ADTRP: variants seen among roughly 807,000 people sequenced by gnomAD.
ADTRP encodes androgen dependent TFPI regulating protein.
Under a neutral mutation model 27.0 loss-of-function variants are expected in ADTRP, and 20 were observed. That is an observed-to-expected ratio of 0.74 (90% confidence interval 0.52 to 1.08). ADTRP has a LOEUF of 1.08. Among genes scored for constraint, ADTRP ranks in the 50% least tolerant of loss-of-function variants. ADTRP has a pLI of 0.00. For missense variants in ADTRP, 251 were observed against 275.0 expected, an observed-to-expected ratio of 0.91 and a Z score of 0.62; for synonymous variants, 101 against 105.2, an observed-to-expected ratio of 0.96 and a Z score of 0.25.
chr6:11,716,897 T>G (rs1164109322), intron 5 of ADTRP, among the ~76,000 whole-genome samples: 44 of 136,060 alleles, frequency 3.2e-4, no homozygotes, highest in Admixed American at 2.5e-3. Context: ...TTTTTTTTTT[T>G]GTATTTTTAG....
chr6:11,724,359 G>T (rs886525855), intron 4 of ADTRP, among the ~76,000 whole-genome samples: 11 of 152,144 alleles, frequency 7.2e-5, no homozygotes, highest in Non-Finnish European at 1.3e-4. Context: ...TGTCGGCCCT[G>T]ATTTTCACTC....
At chr6:11,731,464 T>C (rs74338672) in intron 4 of ADTRP, among the ~76,000 whole-genome samples, 26 of 152,312 alleles carry the variant, frequency 1.7e-4, no homozygotes, top group Non-Finnish European at 3.4e-4. Context: ...CTATACTATG[T>C]CCAACATCCT....
chr6:11,721,393 G>A (rs1762021377), intron 5 of ADTRP, among the ~76,000 whole-genome samples: 1 of 152,236 alleles, frequency 6.6e-6, no homozygotes, highest in South Asian at 2.1e-4. Context: ...ATTGGGGGAA[G>A]CCTTAGAAAG....
intron 3 of ADTRP, among the ~76,000 whole-genome samples, chr6:11,747,399 T>G (rs1212105224): frequency 6.6e-6 from 1 of 152,196 alleles, no homozygotes; most frequent in Non-Finnish European, 1.5e-5. Context: ...AAGGGTTTGT[T>G]TTGTTTGTTT....
chr6:11,758,615 GC>G (rs1402415525), intron 3 of ADTRP, among the ~76,000 whole-genome samples: 1 of 139,364 alleles, frequency 7.2e-6, no homozygotes, highest in Non-Finnish European at 1.5e-5. Context: ...TATACCTAAT[GC>G]TAAATGACGA....
chr6:11,724,114 AC>A (rs2113877275), intron 4 of ADTRP, among the ~76,000 whole-genome samples: 2 of 152,174 alleles, frequency 1.3e-5, no homozygotes, highest in African/African-American at 4.8e-5. Flanking sequence ...TAGCTAAAGA[AC>A]TAAAGAGAGT....
Position 11,766,331 on chromosome 6 carries a change from A to C in ADTRP, c.333T>G (p.Asp111Glu), listed in dbSNP as rs1763571600. The change falls in exon 3 of 6, where the codon GAT (aspartate) becomes GAG (glutamate). Residue 111 changes from aspartate (D) to glutamate (E), a missense_variant. By Grantham distance (45) the Asp-to-Glu change is conservative. Coordinates refer to ENST00000414691, the MANE Select transcript of ADTRP (RefSeq NM_032744.4). ...AFWILFLYNR[D>E]LIYPKVLDTV... ...TATCTAGGACCTTGGGGTAAATGAG[A>C]TCTCGATTGTAGAGAAAGAGGATCC... 2 of 1,612,930 alleles carry C rather than the reference A, an allele frequency of 1.2e-6. No individual in the cohort carries two copies. The highest frequency in any genetic ancestry group is 1.7e-5 in the Admixed American group (1 of 59,892).
chr6:11,769,740 AG>A (rs1763702305), intron 1 of ADTRP, among the ~76,000 whole-genome samples: 1 of 152,018 alleles, frequency 6.6e-6, no homozygotes. Flanking sequence ...AAAAAAAAAA[AG>A]AAATTTTTGG....
chr6:11,715,744 G>T (rs1761797326), intron 5 of ADTRP, among the ~76,000 whole-genome samples: 1 of 139,836 alleles, frequency 7.2e-6, no homozygotes, highest in Admixed American at 7.3e-5. Context: ...CTCCTGGGCT[G>T]AAGTCCTCCA....
Position 11,713,761 on chromosome 6 carries a change from C to T in ADTRP, c.*717G>A, listed in dbSNP as rs934749523. The T allele has an allele frequency of 1.3e-5, 2 of 152,188 alleles. No homozygotes were observed. Among genetic ancestry groups the T allele is most frequent in the Admixed American group, 6.5e-5 (1 of 15,272 alleles). The allele number at this position is 152,188 out of a possible 1,614,324, so 9.4% of individuals were successfully genotyped here. A position where few individuals can be genotyped will look rare whatever the true frequency, so the allele number is the denominator to read the frequency against. On this transcript the variant is annotated 3_prime_UTR_variant, in exon 6 of 6. Coordinates refer to ENST00000414691, the MANE Select transcript of ADTRP (RefSeq NM_032744.4). ...TCACTATGTTTGATGTTTATACCTG[C>T]CCTGAATGCTTGCTCAGAAGAGAAA...
chr6:11,736,343 ACAC>A (rs1762552143), intron 3 of ADTRP: 1 of 152,914 alleles, frequency 6.5e-6, no homozygotes, highest in Admixed American at 6.5e-5. Context: ...GCACTCACAC[ACAC>A]ATGTTCATGC....
chr6:11,771,710 G>T (rs1763786821), intron 1 of ADTRP, among the ~76,000 whole-genome samples: 1 of 152,200 alleles, frequency 6.6e-6, no homozygotes, highest in Non-Finnish European at 1.5e-5. Context: ...CAGGACCTCA[G>T]AATATGACTG....
At chr6:11,758,056 A>G (rs959219523) in intron 3 of ADTRP, among the ~76,000 whole-genome samples, 2 of 152,020 alleles carry the variant, frequency 1.3e-5, no homozygotes, top group African/African-American at 4.8e-5. Context: ...TTTCTATCCA[A>G]CCTTTGAACT....
At chr6:11,741,440 A>G (rs1030290450) in intron 3 of ADTRP, among the ~76,000 whole-genome samples, 11 of 152,238 alleles carry the variant, frequency 7.2e-5, no homozygotes, top group Admixed American at 7.2e-4. Flanking sequence ...TGATCTGGAA[A>G]GAGAAATGAA....
chr6:11,726,921 C>A (rs1008782685), intron 4 of ADTRP, among the ~76,000 whole-genome samples: 7 of 152,216 alleles, frequency 4.6e-5, no homozygotes, highest in African/African-American at 1.7e-4. Context: ...CTGGGCCCTG[C>A]TGGTATCACT....
At chr6:11,735,911 T>G in intron 3 of ADTRP, 1 of 435,498 alleles carries the variant, frequency 2.3e-6, no homozygotes, top group Non-Finnish European at 4.2e-6. Flanking sequence ...TCTCACCCTC[T>G]CTCTGGTCCT....
chr6:11,717,352 C>T (rs573950264), intron 5 of ADTRP: 43 of 1,304,262 alleles, frequency 3.3e-5, no homozygotes, highest in Admixed American at 3.0e-4. Flanking sequence ...GACTTCCAAT[C>T]GGGCCACTGG....
intron 5 of ADTRP, among the ~76,000 whole-genome samples, chr6:11,721,059 T>C (rs1762009280): frequency 6.6e-6 from 1 of 152,076 alleles, no homozygotes; most frequent in South Asian, 2.1e-4. Context: ...CCTAAAGCAG[T>C]AGTAAAACCG....
intron 4 of ADTRP, among the ~76,000 whole-genome samples, chr6:11,730,409 G>A (rs1762347612): frequency 6.6e-6 from 1 of 152,056 alleles, no homozygotes; most frequent in Admixed American, 6.6e-5. Flanking sequence ...CAACATGGTT[G>A]GTTCTGAGCA....
Sources: allele counts gnomAD v4.1 joint callset (sites outside exome capture counted in the v4.1 genomes callset), GRCh38; gene constraint gnomAD v4.1.1; transcripts MANE v1.5; gene names NCBI Gene and HGNC (gene_info 2026-07-23, HGNC 2026-07-21).